The following FAM171A1 variants were observed in gnomAD, a reference collection of about 807,000 sequenced individuals.
The protein encoded by FAM171A1 is family with sequence similarity 171 member A1, also known as protein FAM171A1.
Under a neutral mutation model 74.9 loss-of-function variants are expected in FAM171A1, and 23 were observed. That is an observed-to-expected ratio of 0.31 (90% CI 0.22 to 0.44). The LOEUF is 0.44. FAM171A1 is among the 20% of genes least tolerant of loss of function. FAM171A1 has a pLI of 1.00. For synonymous variants in FAM171A1, 527 were observed against 505.7 expected (o/e 1.04, Z -0.57); for missense variants, 1,162 against 1,159.2 (o/e 1.00, Z -0.03).
chr10:15,244,269 C>T (rs1834402482), intron 5 of FAM171A1, among the ~76,000 whole-genome samples: 1 of 152,162 alleles, frequency 6.6e-6, no homozygotes, highest in Non-Finnish European at 1.5e-5. Context: ...GCACTAGAAT[C>T]ACTTGAACCT....
chr10:15,367,752 A>G (rs971133261), intron 1 of FAM171A1, among the ~76,000 whole-genome samples: 1 of 152,252 alleles, frequency 6.6e-6, no homozygotes, highest in African/African-American at 2.4e-5. Flanking sequence ...AAGCTAGCGC[A>G]TCATCGCAAA....
intron 5 of FAM171A1, among the ~76,000 whole-genome samples, chr10:15,233,522 G>T (rs1279464958): frequency 7.9e-5 from 1 of 12,666 alleles, no homozygotes; most frequent in Non-Finnish European, 2.5e-4. Flanking sequence ...TGTATTCAGG[G>T]TGTGTGTGTG....
At chr10:15,290,834 A>G (rs754120678) in intron 1 of FAM171A1, among the ~76,000 whole-genome samples, 1 of 152,150 alleles carries the variant, frequency 6.6e-6, no homozygotes. Flanking sequence ...ACTCCCACGG[A>G]GAGAGCTTTG....
chr10:15,372,054 G>T (rs1836156235), upstream of FAM171A1, among the ~76,000 whole-genome samples: 1 of 152,176 alleles, frequency 6.6e-6, no homozygotes, highest in South Asian at 2.1e-4. Context: ...GCAGGGCTGG[G>T]CAGGACAGGG....
chr10:15,255,326 A>G (rs969315118), intron 3 of FAM171A1, among the ~76,000 whole-genome samples: 1 of 152,216 alleles, frequency 6.6e-6, no homozygotes, highest in African/African-American at 2.4e-5. Flanking sequence ...GTTTAATGCC[A>G]TGAACCAAAT....
intron 4 of FAM171A1, among the ~76,000 whole-genome samples, chr10:15,251,573 T>A (rs1245783652): frequency 6.6e-6 from 1 of 151,938 alleles, no homozygotes; most frequent in Non-Finnish European, 1.5e-5. Flanking sequence ...TTGCTAATTT[T>A]TTTTTCTTTG....
chr10:15,212,989 C>A lies in FAM171A1; in HGVS notation c.2599G>T (p.Asp867Tyr), dbSNP rs1833910729. Residue 867 changes from aspartate (D) to tyrosine (Y), a missense_variant, in exon 8 of 8, where the codon GAC becomes TAC. Asp to Tyr is a radical substitution (Grantham distance 160). Coordinates refer to ENST00000378116, the MANE Select transcript of FAM171A1 (RefSeq NM_001010924.2). Reference protein sequence around the residue: ...HEEEEDDDDDDQGEDKKSPWQ... With the variant: ...HEEEEDDDDDYQGEDKKSPWQ... ...GGGCTTTTCTTGTCTTCTCCTTGGTCATCATCATCATCGTCTTCCTCTTCC... is the reference window on the plus strand; with the variant it reads ...GGGCTTTTCTTGTCTTCTCCTTGGTAATCATCATCATCGTCTTCCTCTTCC... The A allele has an allele frequency of 6.2e-7, 1 of 1,613,794 alleles. No homozygotes were observed. The highest frequency in any genetic ancestry group is 1.3e-5 in the African/African-American group (1 of 74,910).
intron 1 of FAM171A1, among the ~76,000 whole-genome samples, chr10:15,351,660 C>G (rs1306418626): frequency 2.3e-5 from 3 of 128,624 alleles, no homozygotes; most frequent in Non-Finnish European, 5.2e-5. Context: ...TGGATGCATG[C>G]ACGGATGCAT....
chr10:15,277,715 G>C (rs1438756768), intron 2 of FAM171A1, among the ~76,000 whole-genome samples: 1 of 152,120 alleles, frequency 6.6e-6, no homozygotes, highest in African/African-American at 2.4e-5. Context: ...AAAACATCAG[G>C]ATCTAGAAGA....
intron 1 of FAM171A1, among the ~76,000 whole-genome samples, chr10:15,351,305 G>A (rs1305309966): frequency 6.6e-6 from 1 of 152,134 alleles, no homozygotes; most frequent in Non-Finnish European, 1.5e-5. Flanking sequence ...CCCGAGTGTG[G>A]GTGCGTAAGC....
chr10:15,307,992 T>G (rs1835317594), intron 1 of FAM171A1, among the ~76,000 whole-genome samples: 1 of 152,054 alleles, frequency 6.6e-6, no homozygotes, highest in Non-Finnish European at 1.5e-5. Context: ...TTAATTTTTT[T>G]GTAGAGATGA....
intron 6 of FAM171A1, among the ~76,000 whole-genome samples, chr10:15,217,296 A>G (rs1395045631): frequency 6.6e-6 from 1 of 152,226 alleles, no homozygotes; most frequent in Non-Finnish European, 1.5e-5. Context: ...CTGGCAGTGT[A>G]TGAATACATG....
chr10:15,269,802 A>G lies in FAM171A1; in HGVS notation c.418+6053T>C, dbSNP rs553487643. Among the ~76,000 whole-genome samples, 6 of 152,306 alleles carry G rather than the reference A, an allele frequency of 3.9e-5. No individual in the cohort carries two copies. The South Asian group carries it at 1.0e-3, about 26-fold the overall frequency. On this transcript the variant is annotated intron_variant, in intron 3 of 7. Coordinates refer to ENST00000378116, the MANE Select transcript of FAM171A1 (RefSeq NM_001010924.2). ...CCCTCCTTTTCTCTCACACACTTACAGTGAACTGATAGTTTAATCAAATTC... is the reference window on the plus strand; with the variant it reads ...CCCTCCTTTTCTCTCACACACTTACGGTGAACTGATAGTTTAATCAAATTC...
At chr10:15,316,497 TG>T (rs1198805497) in intron 1 of FAM171A1, among the ~76,000 whole-genome samples, 1 of 152,220 alleles carries the variant, frequency 6.6e-6, no homozygotes, top group Non-Finnish European at 1.5e-5. Context: ...CTGGCTACCC[TG>T]GTTCTAAGAA....
chr10:15,314,738 C>T (rs765491440), intron 1 of FAM171A1, among the ~76,000 whole-genome samples: 1 of 152,248 alleles, frequency 6.6e-6, no homozygotes, highest in Non-Finnish European at 1.5e-5. Flanking sequence ...ACTCCAAAGA[C>T]GCCAACCACG....
intron 1 of FAM171A1, among the ~76,000 whole-genome samples, chr10:15,368,240 G>T (rs1836090417): frequency 1.3e-5 from 2 of 152,232 alleles, no homozygotes; most frequent in Admixed American, 1.3e-4. Context: ...TACGGGAAGA[G>T]AGTCTGAAGC....
chr10:15,328,444 G>C (rs1356709810), intron 1 of FAM171A1, among the ~76,000 whole-genome samples: 1 of 152,246 alleles, frequency 6.6e-6, no homozygotes, highest in Non-Finnish European at 1.5e-5. Flanking sequence ...ACGGCGCCTG[G>C]CCTGTTGTTG....
At chr10:15,340,072 A>G (rs1588561934) in intron 1 of FAM171A1, among the ~76,000 whole-genome samples, 1 of 152,254 alleles carries the variant, frequency 6.6e-6, no homozygotes, top group South Asian at 2.1e-4. Context: ...ACAATTCAAG[A>G]TGAGAATTGG....
At chr10:15,327,103 A>AC (rs1264144120) in intron 1 of FAM171A1, among the ~76,000 whole-genome samples, 1 of 152,138 alleles carries the variant, frequency 6.6e-6, no homozygotes, top group Non-Finnish European at 1.5e-5. Context: ...AAAAAAATTA[A>AC]CCAAGATGAA....
Sources: allele counts gnomAD v4.1 joint callset (sites outside exome capture counted in the v4.1 genomes callset), GRCh38; gene constraint gnomAD v4.1.1; transcripts MANE v1.5; gene names NCBI Gene and HGNC (gene_info 2026-07-23, HGNC 2026-07-21).